The following LRRC4C variants were observed in gnomAD, a reference collection of about 807,000 sequenced individuals.
The protein encoded by LRRC4C is leucine-rich repeat-containing protein 4C.
In LRRC4C, 5 loss-of-function variants were observed where a neutral mutation model predicts 33.6. That is an observed-to-expected ratio of 0.15 (90% CI 0.08 to 0.31). LRRC4C has a LOEUF of 0.31. Ranked by LOEUF, LRRC4C falls within the 10% of genes least tolerant of loss-of-function variation. The pLI is 1.00. For synonymous variants in LRRC4C, 329 were observed against 302.0 expected, an observed-to-expected ratio of 1.09 and a Z score of -0.93; for missense variants, 560 against 796.7, an observed-to-expected ratio of 0.70 and a Z score of 3.58.
At chr11:40,892,734 G>A (rs1398788658) in intron 2 of LRRC4C, among the ~76,000 whole-genome samples, 3 of 152,078 alleles carry the variant, frequency 2.0e-5, no homozygotes, top group Non-Finnish European at 4.4e-5. Flanking sequence ...ACCTAGAATA[G>A]GAAAATATGT....
chr11:40,250,926 G>T (rs924064836), intron 4 of LRRC4C, among the ~76,000 whole-genome samples: 28 of 152,094 alleles, frequency 1.8e-4, no homozygotes, highest in African/African-American at 5.8e-4. Flanking sequence ...AAATGTGCCT[G>T]CCTACATTTA....
In LRRC4C at chr11:41,373,229, T is replaced by C. The variant is rs60552689; in HGVS notation, c.-496+86202A>G. Among the ~76,000 whole-genome samples, 1,404 of 152,204 alleles carry C rather than the reference T, an allele frequency of 9.2e-3. 23 individuals carry two copies. Among genetic ancestry groups the C allele is most frequent in the African/African-American group, 0.032 (1,329 of 41,552 alleles). Reference sequence around the variant, plus strand: ...TGTATCCTTTTTTTCAGCATTTTAATAGCATATATATACTGTATTTGACAT... The same window carrying C: ...TGTATCCTTTTTTTCAGCATTTTAACAGCATATATATACTGTATTTGACAT... On this transcript the variant is annotated intron_variant, in intron 1 of 6. Transcript: ENST00000528697.
intron 3 of LRRC4C, among the ~76,000 whole-genome samples, chr11:40,456,504 A>G (rs1442469073): frequency 6.6e-6 from 1 of 152,116 alleles, no homozygotes; most frequent in African/African-American, 2.4e-5. Context: ...AAAGTGACAG[A>G]AAATATGGAA....
Position 41,448,122 on chromosome 11 carries a change from G to GTTTTTTTTTTT in LRRC4C, c.-496+11298_-496+11308dup, listed in dbSNP as rs71063918. Among the ~76,000 whole-genome samples the GTTTTTTTTTTT allele has an allele frequency of 5.1e-4, 24 of 46,900 alleles. 4 individuals carry two copies. Among genetic ancestry groups the GTTTTTTTTTTT allele is most frequent in the African/African-American group, 1.4e-3 (18 of 12,914 alleles). 30.8% of individuals were successfully genotyped at this position (46,900 alleles called of 152,430 possible). A position where few individuals can be genotyped will look rare whatever the true frequency, so the allele number is the denominator to read the frequency against. ...ACAAACGAGGCTGCTGCACACGTCT[G>GTTTTTTTTTTT]TTTTTTTTTTTTTTTTTTTTGGAGC... is the stretch of plus-strand genomic sequence containing the variant. On this transcript the variant is annotated intron_variant, in intron 1 of 6. Coordinates refer to ENST00000528697, the MANE Select transcript of LRRC4C (RefSeq NM_001258419.2).
At chr11:41,266,236 G>A (rs1291951235) in intron 1 of LRRC4C, among the ~76,000 whole-genome samples, 1 of 152,044 alleles carries the variant, frequency 6.6e-6, no homozygotes, top group African/African-American at 2.4e-5. Flanking sequence ...AATTGGCCAA[G>A]GGCAAATAGC....
chr11:41,018,731 G>A (rs1332712112), intron 1 of LRRC4C, among the ~76,000 whole-genome samples: 1 of 152,090 alleles, frequency 6.6e-6, no homozygotes, highest in East Asian at 1.9e-4. Context: ...TGCCACAGTG[G>A]GAATGAGCTG....
At chr11:40,983,028 A>G (rs1458817111) in intron 1 of LRRC4C, among the ~76,000 whole-genome samples, 1 of 152,212 alleles carries the variant, frequency 6.6e-6, no homozygotes, top group Non-Finnish European at 1.5e-5. Flanking sequence ...ACTGCATAGT[A>G]TTCCATGGTG....
intron 3 of LRRC4C, among the ~76,000 whole-genome samples, chr11:40,486,139 CT>C (rs1452602515): frequency 7.1e-6 from 1 of 140,510 alleles, no homozygotes; most frequent in Non-Finnish European, 1.5e-5. Context: ...TATCCCTGAA[CT>C]TAAGACAAAA....
chr11:40,880,452 T>C (rs985506143), intron 2 of LRRC4C, among the ~76,000 whole-genome samples: 2 of 151,296 alleles, frequency 1.3e-5, no homozygotes, highest in Non-Finnish European at 2.9e-5. Flanking sequence ...TTGGAGGAGT[T>C]TGACTTTTTA....
At chr11:40,788,098 A>G (rs1693859714) in intron 2 of LRRC4C, among the ~76,000 whole-genome samples, 3 of 152,196 alleles carry the variant, frequency 2.0e-5, no homozygotes, top group Non-Finnish European at 4.4e-5. Context: ...CATAACATGC[A>G]GAAGTTCTCA....
At chr11:41,418,379 A>G (rs1299778219) in intron 1 of LRRC4C, among the ~76,000 whole-genome samples, 1 of 151,982 alleles carries the variant, frequency 6.6e-6, no homozygotes, top group Non-Finnish European at 1.5e-5. Flanking sequence ...TGCCTCTGGT[A>G]TGGTTGCAGG....
intron 1 of LRRC4C, among the ~76,000 whole-genome samples, chr11:41,450,439 T>C (rs933640761): frequency 2.0e-5 from 3 of 152,178 alleles, no homozygotes; most frequent in African/African-American, 7.2e-5. Flanking sequence ...AAAAAGTAAC[T>C]GTTTCTGGCT....
intron 1 of LRRC4C, among the ~76,000 whole-genome samples, chr11:40,942,966 T>C (rs1958225264): frequency 6.6e-6 from 1 of 152,212 alleles, no homozygotes; most frequent in South Asian, 2.1e-4. Context: ...CACAGGATCA[T>C]GTGAAATAAA....
intron 3 of LRRC4C, among the ~76,000 whole-genome samples, chr11:40,391,579 T>G (rs1043004871): frequency 1.3e-5 from 2 of 152,212 alleles, no homozygotes; most frequent in African/African-American, 4.8e-5. Context: ...GGAGAAGTAT[T>G]TGAACTCAGT....
At position 40,304,780 on chromosome 11, in the gene LRRC4C, G is replaced by A. The variant is rs573672610; in HGVS notation, c.-176+14848C>T. ...AGAGTCTTGCTCTGTCGCCCAGGCT[G>A]GAGTGCAGTGGCGCAATCTCGGCTC... On this transcript the variant is annotated intron_variant, in intron 4 of 6. Transcript: ENST00000528697. 4.0e-3 allele frequency among the ~76,000 whole-genome samples: 603 copies of A among 149,994 alleles called. 2 individuals carry two copies. Among genetic ancestry groups the A allele is most frequent in the Non-Finnish European group, 6.1e-3 (411 of 67,688 alleles).
intron 4 of LRRC4C, among the ~76,000 whole-genome samples, chr11:40,315,648 A>G (rs779858802): frequency 5.3e-5 from 8 of 151,894 alleles, no homozygotes; most frequent in African/African-American, 9.7e-5. Flanking sequence ...GTTGTTTCCA[A>G]TATATTGCAA....
chr11:41,191,382 T>G (rs2136212217), intron 1 of LRRC4C, among the ~76,000 whole-genome samples: 1 of 152,270 alleles, frequency 6.6e-6, no homozygotes, highest in Non-Finnish European at 1.5e-5. Context: ...ATAGAAGAAT[T>G]ATTTGCCTGA....
intron 4 of LRRC4C, among the ~76,000 whole-genome samples, chr11:40,262,524 C>T (rs1049272734): frequency 6.6e-5 from 10 of 152,130 alleles, no homozygotes; most frequent in Admixed American, 3.3e-4. Flanking sequence ...TATAAAGCCA[C>T]GTGCCCACGT....
At chr11:40,284,108 C>T (rs2136481045) in intron 4 of LRRC4C, among the ~76,000 whole-genome samples, 1 of 152,266 alleles carries the variant, frequency 6.6e-6, no homozygotes, top group East Asian at 1.9e-4. Flanking sequence ...TGTTTGTGTA[C>T]AGAGGACAGG....
Sources: gnomAD v4.1 joint callset for allele counts (sites outside exome capture counted in the v4.1 genomes callset) on GRCh38, gnomAD v4.1.1 for gene constraint, MANE v1.5 for transcripts, NCBI Gene and HGNC (gene_info 2026-07-23, HGNC 2026-07-21) for gene names.